ARHGAP15: variants seen among roughly 807,000 people sequenced by gnomAD.
The protein encoded by ARHGAP15 is Rho GTPase activating protein 15, also known as rho GTPase-activating protein 15.
Under a neutral mutation model 63.7 loss-of-function variants are expected in ARHGAP15, and 51 were observed. The observed-to-expected ratio is 0.80, with a 90% CI of 0.64 to 1.01. The LOEUF (loss-of-function observed/expected upper bound fraction) is 1.01, where lower values mean the gene tolerates loss of function less well. Ranked by LOEUF, ARHGAP15 falls within the 50% of genes least tolerant of loss-of-function variation. The pLI, the probability that ARHGAP15 is intolerant of heterozygous loss-of-function variation, is 0.00. For synonymous variants in ARHGAP15, 191 were observed against 193.8 expected (o/e 0.99, Z 0.12); for missense variants, 560 against 564.6 (o/e 0.99, Z 0.08).
intron 8 of ARHGAP15, among the ~76,000 whole-genome samples, chr2:143,456,906 T>A (rs1365418763): frequency 6.6e-6 from 1 of 151,892 alleles, no homozygotes; most frequent in Non-Finnish European, 1.5e-5. Context: ...AGGGGCATAT[T>A]GACAGATGGA....
chr2:143,766,762 C>T (rs981245203), intron 13 of ARHGAP15: 3 of 152,128 alleles, frequency 2.0e-5, no homozygotes, highest in Non-Finnish European at 4.4e-5. Context: ...AAACATGTTC[C>T]AATAGATGGC....
intron 8 of ARHGAP15, 29 bp from the exon 9 acceptor site, chr2:143,487,344 A>G (rs199960511): frequency 9.8e-6 from 14 of 1,423,804 alleles, no homozygotes; most frequent in Non-Finnish European, 1.2e-5. Flanking sequence ...GAAATTTACC[A>G]AAAGCCTCTG....
chr2:143,733,234 G>A (rs541116748), intron 13 of ARHGAP15, among the ~76,000 whole-genome samples: 14 of 152,232 alleles, frequency 9.2e-5, no homozygotes, highest in African/African-American at 3.4e-4. Context: ...CTCCATCAGC[G>A]AGCATCATTG....
chr2:143,707,325 CA>C (rs1471447759), intron 13 of ARHGAP15, among the ~76,000 whole-genome samples: 1 of 152,198 alleles, frequency 6.6e-6, no homozygotes, highest in East Asian at 1.9e-4. Context: ...CATAGAGATA[CA>C]TCTGAGATTT....
intron 8 of ARHGAP15, among the ~76,000 whole-genome samples, chr2:143,456,395 C>G (rs1233965458): frequency 6.6e-6 from 1 of 151,928 alleles, no homozygotes; most frequent in Non-Finnish European, 1.5e-5. Flanking sequence ...TTTGAATTTT[C>G]TATTGTGTTA....
intron 11 of ARHGAP15, chr2:143,597,912 G>A (rs1031133145): frequency 1.3e-5 from 2 of 152,248 alleles, no homozygotes; most frequent in East Asian, 1.9e-4. Context: ...AGCATCTAGT[G>A]AGGGTCCTCT....
chr2:143,149,650 A>G (rs1189507607), intron 1 of ARHGAP15, among the ~76,000 whole-genome samples: 1 of 152,046 alleles, frequency 6.6e-6, no homozygotes, highest in Admixed American at 6.6e-5. Context: ...AGAACACAGA[A>G]GAAACATTGT....
chr2:143,357,626 A>C (rs1685864843), intron 6 of ARHGAP15, among the ~76,000 whole-genome samples: 1 of 152,228 alleles, frequency 6.6e-6, no homozygotes, highest in African/African-American at 2.4e-5. Flanking sequence ...ATGTTAAAGT[A>C]CAAGCTATTT....
At chr2:143,474,432 T>C (rs147015689) in intron 8 of ARHGAP15, among the ~76,000 whole-genome samples, 21 of 152,298 alleles carry the variant, frequency 1.4e-4, no homozygotes, top group African/African-American at 3.6e-4. Flanking sequence ...ACAAAATTAA[T>C]TGATGGCAAT....
At chr2:143,467,242 CTTTTTTTT>C (rs202115707) in intron 8 of ARHGAP15, among the ~76,000 whole-genome samples, 2 of 57,894 alleles carry the variant, frequency 3.5e-5, no homozygotes, top group Non-Finnish European at 6.0e-5. Context: ...ACTCCATGGC[CTTTTTTTT>C]TTTTTTTTTT....
intron 13 of ARHGAP15, among the ~76,000 whole-genome samples, chr2:143,740,393 A>G (rs1332400664): frequency 1.3e-5 from 2 of 152,236 alleles, no homozygotes; most frequent in African/African-American, 2.4e-5. Context: ...GTAGAAATGT[A>G]GTGTCTCCAG....
chr2:143,219,563 CAG>C (rs1192269814), intron 4 of ARHGAP15, among the ~76,000 whole-genome samples: 2 of 152,180 alleles, frequency 1.3e-5, no homozygotes, highest in Non-Finnish European at 2.9e-5. Context: ...GGAATTTTCT[CAG>C]GGGAATATTT....
intron 2 of ARHGAP15, among the ~76,000 whole-genome samples, chr2:143,166,014 G>GAAGGAAGA (rs1690507136): frequency 7.3e-6 from 1 of 136,786 alleles, no homozygotes. Flanking sequence ...AGGAAGGAAG[G>GAAGGAAGA]AAAAAAAGAA....
At chr2:143,346,196 T>TCTCTCTCACACACACA (rs1339121054) in intron 6 of ARHGAP15, among the ~76,000 whole-genome samples, 2 of 142,450 alleles carry the variant, frequency 1.4e-5, no homozygotes, top group African/African-American at 2.7e-5. Flanking sequence ...ACACACACTC[T>TCTCTCTCACACACACA]CTCTCTCACA....
At chr2:143,690,989 T>A (rs1186911199) in intron 12 of ARHGAP15, among the ~76,000 whole-genome samples, 4 of 152,190 alleles carry the variant, frequency 2.6e-5, no homozygotes, top group African/African-American at 9.6e-5. Flanking sequence ...CACTTTGAAC[T>A]GATTAGCAAA....
chr2:143,538,379 C>T (rs148383540), intron 10 of ARHGAP15, among the ~76,000 whole-genome samples: 1,741 of 152,294 alleles, frequency 0.011, 15 homozygotes, highest in Non-Finnish European at 0.016. Context: ...ATTTCCTTCT[C>T]CTGCCTGATT....
At chr2:143,758,865 G>C (rs143315307) in intron 13 of ARHGAP15, among the ~76,000 whole-genome samples, 1 of 152,122 alleles carries the variant, frequency 6.6e-6, no homozygotes, top group Non-Finnish European at 1.5e-5. Context: ...CCCCAGACTT[G>C]CTGAATCAGA....
At chr2:143,267,032 G>A (rs1462188111) in intron 6 of ARHGAP15, among the ~76,000 whole-genome samples, 1 of 152,130 alleles carries the variant, frequency 6.6e-6, no homozygotes, top group Non-Finnish European at 1.5e-5. Context: ...CCTGAAAGTG[G>A]CATATGTCAC....
intron 6 of ARHGAP15, among the ~76,000 whole-genome samples, chr2:143,264,986 A>C (rs898251391): frequency 6.6e-6 from 1 of 152,210 alleles, no homozygotes; most frequent in Non-Finnish European, 1.5e-5. Context: ...TAGCTGCCTA[A>C]CAAAGTTAAC....
Sources: allele counts gnomAD v4.1 joint callset (sites outside exome capture counted in the v4.1 genomes callset), GRCh38; gene constraint gnomAD v4.1.1; transcripts MANE v1.5; gene names NCBI Gene and HGNC (gene_info 2026-07-23, HGNC 2026-07-21).